The following SCG3 variants were observed in gnomAD, a reference collection of about 807,000 sequenced individuals.
SCG3 encodes secretogranin III, also known as secretogranin-3.
In SCG3, 38 loss-of-function variants were observed where a neutral mutation model predicts 56.2. The observed-to-expected ratio is 0.68, with a 90% CI of 0.52 to 0.89. The LOEUF (loss-of-function observed/expected upper bound fraction) is 0.89, where lower values mean the gene tolerates loss of function less well. SCG3 is among the 40% of genes least tolerant of loss of function. SCG3 has a pLI of 0.00. For synonymous variants in SCG3, 176 were observed against 184.2 expected (o/e 0.96, Z 0.36); for missense variants, 524 against 540.7 (o/e 0.97, Z 0.31).
intron 10 of SCG3, among the ~76,000 whole-genome samples, chr15:51,710,036 G>A: frequency 6.6e-6 from 1 of 151,148 alleles, no homozygotes; most frequent in Non-Finnish European, 1.5e-5. Context: ...GCGCCCGGCC[G>A]GCTTGTAAGT....
chr15:51,710,523 T>C (rs1743970868), intron 10 of SCG3, among the ~76,000 whole-genome samples: 1 of 152,190 alleles, frequency 6.6e-6, no homozygotes, highest in East Asian at 1.9e-4. Flanking sequence ...TAAAATTCCA[T>C]ACCATTTTTA....
chr15:51,685,094 T>C (rs920335102), intron 4 of SCG3, among the ~76,000 whole-genome samples: 1 of 152,200 alleles, frequency 6.6e-6, no homozygotes, highest in Non-Finnish European at 1.5e-5. Context: ...CATAATAACC[T>C]AGGAGTGTTC....
chr15:51,719,229 A>T (rs73405317), intron 11 of SCG3, among the ~76,000 whole-genome samples, 179 bp from the exon 12 acceptor site: 1,673 of 152,342 alleles, frequency 0.011, 18 homozygotes, highest in African/African-American at 0.025. Context: ...ATACATGTAA[A>T]TATTATTTTA....
chr15:51,719,355 T>C (rs2055480531), intron 11 of SCG3, 53 bp from the exon 12 acceptor site: 1 of 1,227,462 alleles, frequency 8.1e-7, no homozygotes, highest in Non-Finnish European at 1.2e-6. Flanking sequence ...ATCACTGTAA[T>C]GGGATTGGCC....
chr15:51,685,399 C>T (rs551425823), intron 4 of SCG3, among the ~76,000 whole-genome samples: 6 of 152,208 alleles, frequency 3.9e-5, no homozygotes, highest in African/African-American at 9.6e-5. Flanking sequence ...TTGATCTGAC[C>T]GCTAATTTGA....
Position 51,681,737 on chromosome 15 carries a change from C to G in SCG3, c.-19C>G, listed in dbSNP as rs749361693. 4 of 1,610,490 alleles carry G rather than the reference C, an allele frequency of 2.5e-6. No individual in the cohort carries two copies. The highest frequency in any genetic ancestry group is 1.3e-5 in the African/African-American group (1 of 74,942). ...CAGGAGCCCAGCGCCGGGCTGTGAC[C>G]CAAGCCGAGCGTGGAAGAATGGGGT... is the stretch of plus-strand genomic sequence containing the variant. On this transcript the variant is annotated 5_prime_UTR_variant, in exon 1 of 12. Transcript: ENST00000220478.
Position 51,683,431 on chromosome 15 carries a change from C to G in SCG3, c.394C>G (p.Gln132Glu). ...TAAGAGTGGATTGGATCATAAATTT[C>G]AAGGTAAATGAGAAAAAAAGAACTT... ...STKSGLDHKF[Q>E]DDPDGLHQLD... is the part of the protein sequence containing the mutation. Residue 132 changes from glutamine to glutamate, a missense_variant, in exon 4 of 12, where the codon CAA becomes GAA. Transcript: ENST00000220478. 6.3e-7 allele frequency: 1 copy of G among 1,589,940 alleles called. No individual in the cohort carries two copies. Among genetic ancestry groups the G allele is most frequent in the Non-Finnish European group, 8.5e-7 (1 of 1,170,534 alleles).
intron 6 of SCG3, 119 bp downstream of exon 6, chr15:51,689,487 G>A (rs1001257840): frequency 3.1e-6 from 4 of 1,306,852 alleles, no homozygotes; most frequent in Non-Finnish European, 4.1e-6. Flanking sequence ...TTTGAGGTAT[G>A]TGGCATTTTT....
chr15:51,713,860 T>C (rs567622050), intron 11 of SCG3, among the ~76,000 whole-genome samples: 1 of 152,260 alleles, frequency 6.6e-6, no homozygotes, highest in Admixed American at 6.5e-5. Context: ...CCAGGCCCTG[T>C]TCTAAGTGCC....
chr15:51,718,854 G>A (rs1412113131), intron 11 of SCG3, among the ~76,000 whole-genome samples: 2 of 151,844 alleles, frequency 1.3e-5, no homozygotes, highest in Admixed American at 1.3e-4. Context: ...AAAAAAAAAA[G>A]TGGGTTGTCA....
intron 10 of SCG3, among the ~76,000 whole-genome samples, chr15:51,706,357 A>G (rs1483335851): frequency 1.3e-5 from 2 of 152,224 alleles, no homozygotes; most frequent in African/African-American, 4.8e-5. Context: ...TGGCCCAAGA[A>G]TAGTCCTTAA....
chr15:51,712,280 TG>T (rs999960328), intron 10 of SCG3, among the ~76,000 whole-genome samples: 4 of 152,166 alleles, frequency 2.6e-5, no homozygotes, highest in Non-Finnish European at 5.9e-5. Flanking sequence ...GGGCTCAGAA[TG>T]GGGTGGTCAC....
At chr15:51,699,486 T>A (rs1363207682) in intron 9 of SCG3, 84 bp downstream of exon 9, 2 of 921,984 alleles carry the variant, frequency 2.2e-6, no homozygotes, top group African/African-American at 1.7e-5. Flanking sequence ...AACATTAATT[T>A]AAAAATTACA....
chr15:51,697,033 A>T (rs1248669879), intron 8 of SCG3, among the ~76,000 whole-genome samples: 1 of 152,102 alleles, frequency 6.6e-6, no homozygotes, highest in Non-Finnish European at 1.5e-5. Context: ...TTTATTTTTA[A>T]AAGTCATTCA....
chr15:51,708,114 A>C (rs187713819), intron 10 of SCG3: 3 of 152,164 alleles, frequency 2.0e-5, no homozygotes, highest in Non-Finnish European at 4.4e-5. Flanking sequence ...GCTTCAGCCT[A>C]TGTTTTAAGG....
rs1421886543 is a variant in SCG3, at chr15:51,713,472, A to T, written c.1288+59A>T. 4 of 1,167,142 alleles carry T rather than the reference A, an allele frequency of 3.4e-6. No individual in the cohort carries two copies. In the East Asian group the frequency reaches 9.8e-5, roughly 29 times the overall value. The allele number at this position is 1,167,142 out of a possible 1,614,324, so 72.3% of individuals were successfully genotyped here. On this transcript the variant is annotated intron_variant, in intron 11 of 11. Coordinates refer to ENST00000220478, the MANE Select transcript of SCG3 (RefSeq NM_013243.4). The stretch of plus-strand genomic sequence containing the variant: ...CACCCATTTGTCAGGGGCTCTTGTT[A>T]TATAAAAATTCCCACAGTCAAATTG...
chr15:51,709,721 T>A (rs1186476527), intron 10 of SCG3, among the ~76,000 whole-genome samples: 13 of 62,084 alleles, frequency 2.1e-4, no homozygotes, highest in South Asian at 1.3e-3. Context: ...TTTTTTTTTT[T>A]TTTTTTTTTT....
chr15:51,719,449 G>A lies in SCG3; in HGVS notation c.1330G>A (p.Ala444Thr). The A allele has an allele frequency of 9.9e-6, 16 of 1,614,054 alleles. No individual in the cohort carries two copies. The highest frequency in any genetic ancestry group is 1.4e-5 in the Non-Finnish European group (16 of 1,179,946). The change falls in exon 12 of 12, where the codon GCT becomes ACT. Residue 444 changes from alanine to threonine, a missense_variant. Transcript: ENST00000220478. ...SKMRDFINKQ[A>T]DAYVEKGILD... ...GATGAGAGACTTCATCAATAAACAAGCTGATGCTTATGTGGAGAAAGGCAT... is the reference window on the plus strand; with the variant it reads ...GATGAGAGACTTCATCAATAAACAAACTGATGCTTATGTGGAGAAAGGCAT...
Position 51,692,158 on chromosome 15 carries a change from G to T in SCG3, c.691-1G>T. 1 of 1,600,466 alleles carries T rather than the reference G, an allele frequency of 6.2e-7. No individual in the cohort carries two copies. Among genetic ancestry groups the T allele is most frequent in the South Asian group, 1.1e-5 (1 of 88,748 alleles). On this transcript the variant is annotated splice_acceptor_variant, in intron 6 of 11. Transcript: ENST00000220478. LOFTEE classifies it high-confidence loss of function. ...TTTTTATTGATTTTTCCCCACTGGA[G>T]ACTCCAATGGCAGCAATTCAAGATG...
Sources: allele counts gnomAD v4.1 joint callset (sites outside exome capture counted in the v4.1 genomes callset), GRCh38; gene constraint gnomAD v4.1.1; transcripts MANE v1.5; gene names NCBI Gene and HGNC (gene_info 2026-07-23, HGNC 2026-07-21).